Variants in LAMA2 observed in about 807,000 individuals in gnomAD.
LAMA2 encodes the protein laminin subunit alpha 2.
LAMA2 carries 269 observed loss-of-function variants against 364.8 expected under a neutral mutation model. The observed-to-expected ratio is 0.74, with a 90% CI of 0.67 to 0.82. The LOEUF (loss-of-function observed/expected upper bound fraction) is 0.82, where lower values mean the gene tolerates loss of function less well. Ranked by LOEUF, LAMA2 falls within the 40% of genes least tolerant of loss-of-function variation. LAMA2 has a pLI of 0.00. For missense variants in LAMA2, 3,807 were observed against 3,873.2 expected, an observed-to-expected ratio of 0.98 and a Z score of 0.45; for synonymous variants, 1,379 against 1,370.6, an observed-to-expected ratio of 1.01 and a Z score of -0.14.
intron 4 of LAMA2, among the ~76,000 whole-genome samples, chr6:129,111,408 A>C (rs1321418391): frequency 6.6e-6 from 1 of 152,010 alleles, no homozygotes; most frequent in African/African-American, 2.4e-5. Flanking sequence ...TTAGAAAATT[A>C]TATTTTCTTT....
At chr6:129,486,327 G>A in intron 55 of LAMA2, 147 bp from the exon 56 acceptor site, 2 of 771,230 alleles carry the variant, frequency 2.6e-6, no homozygotes, top group South Asian at 1.6e-5. Context: ...ATTTCCAGCT[G>A]TTTTCAAAAC....
intron 39 of LAMA2, among the ~76,000 whole-genome samples, chr6:129,403,192 T>C (rs567959094): frequency 1.6e-4 from 24 of 152,350 alleles, no homozygotes; most frequent in Admixed American, 7.2e-4. Flanking sequence ...TTTGTTCTCA[T>C]ACTTAATACT....
chr6:128,960,981 A>T (rs776206785), intron 1 of LAMA2, among the ~76,000 whole-genome samples: 9 of 152,004 alleles, frequency 5.9e-5, no homozygotes, highest in Non-Finnish European at 1.2e-4. Context: ...TAGCTGAGAC[A>T]CTAAAATTGT....
chr6:129,180,033 CACTT>C (rs916100364), intron 10 of LAMA2, among the ~76,000 whole-genome samples: 78 of 82,590 alleles, frequency 9.4e-4, no homozygotes, highest in African/African-American at 8.6e-3. Flanking sequence ...ACTGAAAAGA[CACTT>C]AGTGTAGTGT....
At chr6:129,475,269 T>A in intron 52 of LAMA2, 121 bp from the exon 53 acceptor site, 2 of 636,226 alleles carry the variant, frequency 3.1e-6, no homozygotes, top group Non-Finnish European at 5.3e-6. Context: ...CCTTTGTAGA[T>A]CCCTGTGAAA....
At chr6:129,266,974 C>A in intron 15 of LAMA2, 132 bp from the exon 16 acceptor site, 1 of 751,100 alleles carries the variant, frequency 1.3e-6, no homozygotes, top group Admixed American at 1.7e-5. Context: ...TCAATAATGG[C>A]AATGCTTTGA....
intron 9 of LAMA2, among the ~76,000 whole-genome samples, chr6:129,167,717 G>A (rs1311477628): frequency 1.3e-5 from 2 of 152,144 alleles, no homozygotes; most frequent in East Asian, 3.9e-4. Context: ...TCCAGTTCTA[G>A]ATCCCTGAGG....
intron 1 of LAMA2, among the ~76,000 whole-genome samples, chr6:129,035,528 A>ATT (rs143564398): frequency 0.5 from 66,111 of 133,270 alleles, 17,773 homozygotes; most frequent in East Asian, 0.91. Context: ...CCATTTGTTC[A>ATT]TTTTTTTTTT....
At position 129,158,122 on chromosome 6, in the gene LAMA2, A is replaced by G; in HGVS notation, c.1206+3439A>G. On this transcript the variant is annotated intron_variant, in intron 8 of 64. Transcript: ENST00000421865. ...AGACCACAGGCAGCTGAATAAGCCAATTTAAGCAGGGCTCTGGTGTCCAGC... is the reference window on the plus strand; with the variant it reads ...AGACCACAGGCAGCTGAATAAGCCAGTTTAAGCAGGGCTCTGGTGTCCAGC... 2.5e-6 allele frequency: 4 copies of G among 1,612,390 alleles called. No homozygotes were observed. The South Asian group carries it at 4.4e-5, about 18-fold the overall frequency.
At chr6:129,224,019 G>T (rs562429190) in intron 12 of LAMA2, among the ~76,000 whole-genome samples, 1 of 151,996 alleles carries the variant, frequency 6.6e-6, no homozygotes, top group African/African-American at 2.4e-5. Context: ...CTTTTATTTT[G>T]TTGAGCAGTA....
intron 41 of LAMA2, among the ~76,000 whole-genome samples, chr6:129,430,736 C>CA (rs1328399419): frequency 3.3e-5 from 5 of 152,008 alleles, no homozygotes; most frequent in African/African-American, 1.2e-4. Context: ...GAGGCCGAGG[C>CA]AGGCAGAGAA....
rs573611441 is a variant in LAMA2, at chr6:129,267,305, C to G, written c.2322+86C>G. On this transcript the variant is annotated intron_variant, in intron 16 of 64. Coordinates refer to ENST00000421865, the MANE Select transcript of LAMA2 (RefSeq NM_000426.4). ...TACAATTCAGCTACTACCCTGGGGA[C>G]CTTAAACACTTGAGTCAAGAAGTGC... The G allele has an allele frequency of 1.2e-5, 11 of 901,654 alleles. No individual in the cohort carries two copies. In the South Asian group the frequency reaches 1.4e-4, roughly 12 times the overall value. 55.9% of individuals were successfully genotyped at this position (901,654 alleles called of 1,614,324 possible). A position where few individuals can be genotyped will look rare whatever the true frequency, so the allele number is the denominator to read the frequency against.
intron 1 of LAMA2, among the ~76,000 whole-genome samples, chr6:128,961,367 ATT>A (rs1554335559): frequency 1.3e-4 from 12 of 95,132 alleles, no homozygotes; most frequent in African/African-American, 4.8e-4. Context: ...ATATATATAT[ATT>A]AGTTTATTAA....
chr6:129,225,686 G>A (rs1562352347), intron 12 of LAMA2, among the ~76,000 whole-genome samples: 1 of 152,172 alleles, frequency 6.6e-6, no homozygotes, highest in Non-Finnish European at 1.5e-5. Flanking sequence ...TGATTGCACT[G>A]TGGTCTGAGA....
At chr6:129,025,842 G>C (rs1039580954) in intron 1 of LAMA2, among the ~76,000 whole-genome samples, 4 of 152,060 alleles carry the variant, frequency 2.6e-5, no homozygotes, top group Non-Finnish European at 4.4e-5. Flanking sequence ...TTTCTTTTTG[G>C]TGGAACAAAG....
rs1239747518 is a variant in LAMA2, at chr6:129,378,149, T to C, written c.4960-4973T>C. On this transcript the variant is annotated intron_variant, in intron 34 of 64. Transcript: ENST00000421865. ...CCAAGATAGAGAATGAAAGGAAGAT[T>C]GTACAACATATTAGGATAAATGAGA... is the stretch of plus-strand genomic sequence containing the variant. 2.0e-5 allele frequency among the ~76,000 whole-genome samples: 3 copies of C among 152,060 alleles called. No homozygotes were observed. In the South Asian group the frequency reaches 6.2e-4, roughly 32 times the overall value.
chr6:129,066,047 T>G (rs868565820), intron 3 of LAMA2, among the ~76,000 whole-genome samples: 1 of 81,864 alleles, frequency 1.2e-5, no homozygotes, highest in Non-Finnish European at 2.5e-5. Context: ...GGTTTTTTTT[T>G]TTTTTTTTTT....
intron 27 of LAMA2, among the ~76,000 whole-genome samples, chr6:129,316,677 G>A (rs1774634472): frequency 6.6e-6 from 1 of 152,174 alleles, no homozygotes; most frequent in South Asian, 2.1e-4. Context: ...AAATCACACA[G>A]AACAGCAAGA....
chr6:129,450,085 T>C (rs1045753360), intron 45 of LAMA2, among the ~76,000 whole-genome samples: 1 of 151,988 alleles, frequency 6.6e-6, no homozygotes, highest in African/African-American at 2.4e-5. Context: ...ATTACAGGCG[T>C]GAGCCACTGC....
Sources: gnomAD v4.1 joint callset for allele counts (sites outside exome capture counted in the v4.1 genomes callset) on GRCh38, gnomAD v4.1.1 for gene constraint, MANE v1.5 for transcripts, NCBI Gene and HGNC (gene_info 2026-07-23, HGNC 2026-07-21) for gene names.